THSD7A: variants seen among roughly 807,000 people sequenced by gnomAD.
The protein encoded by THSD7A is thrombospondin type 1 domain containing 7A.
A neutral mutation model predicts 231.3 loss-of-function variants in THSD7A; 96 were observed. That is an observed-to-expected ratio of 0.41 (90% CI 0.35 to 0.49). The LOEUF is 0.49. Ranked by LOEUF, THSD7A falls within the 20% of genes least tolerant of loss-of-function variation. THSD7A has a pLI of 0.05. For missense variants in THSD7A, 2,290 were observed against 2,070.2 expected, an observed-to-expected ratio of 1.11 and a Z score of -2.06; for synonymous variants, 940 against 743.3, an observed-to-expected ratio of 1.26 and a Z score of -4.30.
chr7:11,730,057 G>A (rs1333067207), intron 1 of THSD7A, among the ~76,000 whole-genome samples: 1 of 151,636 alleles, frequency 6.6e-6, no homozygotes, highest in Non-Finnish European at 1.5e-5. Flanking sequence ...AATCTGAAAT[G>A]ACTGTAACGA....
intron 1 of THSD7A, among the ~76,000 whole-genome samples, chr7:11,664,509 C>G (rs1783047463): frequency 6.6e-6 from 1 of 151,894 alleles, no homozygotes; most frequent in Non-Finnish European, 1.5e-5. Flanking sequence ...AGAGAAAATT[C>G]TAGAGATAAG....
intron 1 of THSD7A, among the ~76,000 whole-genome samples, chr7:11,799,801 G>A (rs1256896304): frequency 6.6e-6 from 1 of 152,180 alleles, no homozygotes. Flanking sequence ...AATATAGGAA[G>A]AATTTTGTTA....
At chr7:11,395,876 C>A (rs1419780567) in intron 23 of THSD7A, among the ~76,000 whole-genome samples, 3 of 152,182 alleles carry the variant, frequency 2.0e-5, no homozygotes, top group East Asian at 1.9e-4. Flanking sequence ...TAAAATTGAC[C>A]ACATAGTTGG....
At chr7:11,646,611 T>C (rs774069535) in intron 1 of THSD7A, among the ~76,000 whole-genome samples, 1 of 152,026 alleles carries the variant, frequency 6.6e-6, no homozygotes. Context: ...CGATCTTCCA[T>C]TACAATTGTC....
chr7:11,715,598 A>G (rs1245343176), intron 1 of THSD7A, among the ~76,000 whole-genome samples: 1 of 151,384 alleles, frequency 6.6e-6, no homozygotes, highest in Non-Finnish European at 1.5e-5. Context: ...AGAATTATAT[A>G]TTTTGTATAG....
Position 11,777,414 on chromosome 7 carries a change from TACACACACACACACACACACAC to T in THSD7A, c.190+54321_190+54342del, listed in dbSNP as rs66487858. Among the ~76,000 whole-genome samples the T allele has an allele frequency of 4.8e-5, 7 of 147,282 alleles. No individual in the cohort carries two copies. The East Asian group carries it at 6.0e-4, about 13-fold the overall frequency. ...AACTATGTTTCAGATGTAAATTAAG[TACACACACACACACACACACAC>T]ACACACACACACACACACACACACT... On this transcript the variant is annotated intron_variant, in intron 1 of 27. Transcript: ENST00000423059.
chr7:11,478,054 C>T (rs1374189807), intron 7 of THSD7A, among the ~76,000 whole-genome samples: 1 of 152,098 alleles, frequency 6.6e-6, no homozygotes, highest in Admixed American at 6.6e-5. Flanking sequence ...ACTCTCTTCT[C>T]CAGCAATAAA....
chr7:11,410,846 T>G (rs1325454403), intron 19 of THSD7A, among the ~76,000 whole-genome samples: 1 of 152,112 alleles, frequency 6.6e-6, no homozygotes, highest in African/African-American at 2.4e-5. Flanking sequence ...GAATAAATGA[T>G]GGACCTTGGC....
At chr7:11,385,188 CCAAA>C (rs1445331133) in intron 23 of THSD7A, 6 of 149,806 alleles carry the variant, frequency 4.0e-5, no homozygotes, top group African/African-American at 1.5e-4. Flanking sequence ...TTTCTTACTT[CCAAA>C]CAGTCGTCTA....
chr7:11,503,929 T>C (rs1197624350), intron 6 of THSD7A, among the ~76,000 whole-genome samples: 1 of 152,168 alleles, frequency 6.6e-6, no homozygotes, highest in Non-Finnish European at 1.5e-5. Context: ...AAAGCAGAAG[T>C]ACCATTTGGT....
intron 1 of THSD7A, among the ~76,000 whole-genome samples, chr7:11,828,533 C>T (rs1003286543): frequency 3.3e-5 from 5 of 152,042 alleles, no homozygotes; most frequent in African/African-American, 9.7e-5. Context: ...TAATTGTGTA[C>T]TTATAGTGTT....
chr7:11,565,932 T>G (rs1177765562), intron 4 of THSD7A, among the ~76,000 whole-genome samples: 2 of 152,136 alleles, frequency 1.3e-5, no homozygotes, highest in Admixed American at 1.3e-4. Context: ...GGTTTGACAT[T>G]TAAAAAATGG....
Position 11,406,309 on chromosome 7 carries a change from G to C in THSD7A, c.4228C>G (p.Pro1410Ala). ...CCTTTGCCGTTGTTACCTGGGCAAG[G>C]CTGGCTGCAGGATTCCTCCAGAACC... ...NMVLEESCSQ[P>A]CPGDCYLKDW... Residue 1410 changes from proline to alanine, a missense_variant, in exon 22 of 28, where the codon CCT (proline) becomes GCT (alanine). By Grantham distance (27) the Pro-to-Ala change is conservative. Coordinates refer to ENST00000423059, the MANE Select transcript of THSD7A (RefSeq NM_015204.3). The surrounding 1 kb of genome is among the most constrained non-coding windows in gnomAD (Gnocchi z 4.7). 6.2e-7 allele frequency: 1 copy of C among 1,608,246 alleles called. No individual in the cohort carries two copies.
In THSD7A at chr7:11,637,361, T is replaced by C. The variant is rs1427578221; in HGVS notation, c.191-400A>G. Among the ~76,000 whole-genome samples the C allele has an allele frequency of 6.6e-6, 1 of 152,224 alleles. No homozygotes were observed. Among genetic ancestry groups the C allele is most frequent in the Non-Finnish European group, 1.5e-5 (1 of 68,042 alleles). Reference sequence around the variant, plus strand: ...GTAACTGGCAAAGAAAATGGCCCCGTGTGAAGAACTTCTCCTGCAGGCATT... The same window carrying C: ...GTAACTGGCAAAGAAAATGGCCCCGCGTGAAGAACTTCTCCTGCAGGCATT... On this transcript the variant is annotated intron_variant, in intron 1 of 27. Transcript: ENST00000423059. This position sits in a 1 kb window ranked among gnomAD's most constrained non-coding sequence, Gnocchi z 4.2.
chr7:11,574,128 G>A (rs74), intron 4 of THSD7A, among the ~76,000 whole-genome samples: 22,859 of 152,066 alleles, frequency 0.15, 1,980 homozygotes, highest in Admixed American at 0.25. Flanking sequence ...TATAAATCTC[G>A]GAATCCAAAC....
chr7:11,781,800 A>C (rs1783640439), intron 1 of THSD7A, among the ~76,000 whole-genome samples: 1 of 152,224 alleles, frequency 6.6e-6, no homozygotes, highest in Non-Finnish European at 1.5e-5. Flanking sequence ...TGGCTTCAAA[A>C]GTTTCCTGCA....
chr7:11,798,077 T>C (rs1255971640), intron 1 of THSD7A, among the ~76,000 whole-genome samples: 2 of 152,180 alleles, frequency 1.3e-5, no homozygotes, highest in Non-Finnish European at 2.9e-5. Flanking sequence ...TAATGCACAG[T>C]AGGATTGCAA....
chr7:11,737,547 T>G (rs762340469), intron 1 of THSD7A, among the ~76,000 whole-genome samples: 2 of 152,006 alleles, frequency 1.3e-5, no homozygotes, highest in Non-Finnish European at 2.9e-5. Flanking sequence ...TGTGCAAAGG[T>G]GCCATTTTAT....
chr7:11,797,551 G>A (rs1250875941), intron 1 of THSD7A, among the ~76,000 whole-genome samples: 1 of 150,806 alleles, frequency 6.6e-6, no homozygotes, highest in African/African-American at 2.4e-5. Context: ...TGAGTAACTG[G>A]GACTACAGAT....
Sources: allele counts gnomAD v4.1 joint callset (sites outside exome capture counted in the v4.1 genomes callset), GRCh38; gene constraint gnomAD v4.1.1; non-coding constraint Gnocchi (gnomAD v3.1); transcripts MANE v1.5; gene names NCBI Gene and HGNC (gene_info 2026-07-23, HGNC 2026-07-21).